ATP2B2: variants seen among roughly 807,000 people sequenced by gnomAD.
ATP2B2 encodes the protein ATPase plasma membrane Ca2+ transporting 2.
A neutral mutation model predicts 120.0 loss-of-function variants in ATP2B2; 15 were observed. The observed-to-expected ratio is 0.12, with a 90% CI of 0.08 to 0.19. The LOEUF (loss-of-function observed/expected upper bound fraction) is 0.19. ATP2B2 is among the 10% of genes least tolerant of loss of function. ATP2B2 has a pLI of 1.00. For synonymous variants in ATP2B2, 694 were observed against 700.3 expected (o/e 0.99, Z 0.14); for missense variants, 1,045 against 1,719.8 (o/e 0.61, Z 6.94).
upstream of ATP2B2, among the ~76,000 whole-genome samples, chr3:10,507,254 A>G (rs1018854346): frequency 1.3e-5 from 2 of 152,290 alleles, no homozygotes; most frequent in Non-Finnish European, 2.9e-5. Flanking sequence ...ACCCCACACC[A>G]ATAGCCCAAG....
At position 10,447,454 on chromosome 3, in the gene ATP2B2, G is replaced by T. The variant is rs1003024304; in HGVS notation, c.199+1891C>A. ...AGGGTCCACAACCCTGCTTTGAGGG[G>T]GTCTAGAAACCCACAAATAGTGTGA... On this transcript the variant is annotated intron_variant, in intron 2 of 22. Transcript: ENST00000360273. Among the ~76,000 whole-genome samples the T allele has an allele frequency of 2.0e-5, 3 of 152,172 alleles. No homozygotes were observed. The South Asian group carries it at 6.2e-4, about 31-fold the overall frequency.
chr3:10,525,509 G>C (rs1226701417), intron 3 of ATP2B2, among the ~76,000 whole-genome samples: 2 of 152,008 alleles, frequency 1.3e-5, no homozygotes, highest in Non-Finnish European at 1.5e-5. Flanking sequence ...AATCAATATT[G>C]ATATGTTGAT....
Position 10,512,464 on chromosome 3 carries a change from G to GCGCGCA in ATP2B2, c.-320+21574_-320+21575insTGCGCG, listed in dbSNP as rs749056818. On this transcript the variant is annotated intron_variant, in intron 3 of 21. Transcript: ENST00000646379. ...TATTCCTGGGTGCTAAAGTGTGTGC[G>GCGCGCA]CACACACACACACACACACACACAC... 5.4e-3 allele frequency among the ~76,000 whole-genome samples: 733 copies of GCGCGCA among 136,938 alleles called. 4 individuals carry two copies. The highest frequency in any genetic ancestry group is 0.015 in the Middle Eastern group (4 of 262). The allele number at this position is 136,938 out of a possible 152,430, so 89.8% of individuals were successfully genotyped here. A position where few individuals can be genotyped will look rare whatever the true frequency, so the allele number is the denominator to read the frequency against.
At chr3:10,707,555 T>C (rs1271725646) in intron 1 of ATP2B2, among the ~76,000 whole-genome samples, 1 of 151,966 alleles carries the variant, frequency 6.6e-6, no homozygotes, top group Non-Finnish European at 1.5e-5. Context: ...GAAGAAGAAA[T>C]AGGGGGTTCT....
chr3:10,375,026 T>G lies in ATP2B2; in HGVS notation c.1416+404A>C, dbSNP rs2061343750. 6.6e-6 allele frequency among the ~76,000 whole-genome samples: 1 copy of G among 152,246 alleles called. No individual in the cohort carries two copies. Among genetic ancestry groups the G allele is most frequent in the Admixed American group, 6.5e-5 (1 of 15,290 alleles). ...AATTTGGTGGGGTAAGGATGAATTC[T>G]GGCTTGCACGGTGATGTCTTTATTA... On this transcript the variant is annotated intron_variant, in intron 11 of 22. Coordinates refer to ENST00000360273, the MANE Select transcript of ATP2B2 (RefSeq NM_001001331.4). The surrounding 1 kb of genome is among the most constrained non-coding windows in gnomAD (Gnocchi z 4.2).
intron 2 of ATP2B2, among the ~76,000 whole-genome samples, chr3:10,537,069 T>C (rs933517468): frequency 6.6e-6 from 1 of 152,248 alleles, no homozygotes; most frequent in Non-Finnish European, 1.5e-5. Context: ...TGTGGGTTTC[T>C]TTCTGGGTCA....
chr3:10,536,771 T>G (rs1477979369), intron 2 of ATP2B2, among the ~76,000 whole-genome samples: 1 of 152,152 alleles, frequency 6.6e-6, no homozygotes, highest in Non-Finnish European at 1.5e-5. Context: ...GAAGCAATCC[T>G]CACACTTTGG....
intron 5 of ATP2B2, among the ~76,000 whole-genome samples, chr3:10,398,535 G>A (rs1346419239): frequency 6.6e-6 from 1 of 152,186 alleles, no homozygotes; most frequent in Non-Finnish European, 1.5e-5. Context: ...CAGGCTTCAC[G>A]GGACTCACTG....
chr3:10,707,415 G>A (rs942064876), intron 1 of ATP2B2, among the ~76,000 whole-genome samples: 2 of 152,196 alleles, frequency 1.3e-5, no homozygotes, highest in Non-Finnish European at 2.9e-5. Context: ...GTTTGGGGAA[G>A]GGAGAAGCCC....
At chr3:10,491,130 T>C (rs903023116) in intron 1 of ATP2B2, among the ~76,000 whole-genome samples, 2 of 152,188 alleles carry the variant, frequency 1.3e-5, no homozygotes, top group Non-Finnish European at 1.5e-5. Context: ...TGCATCCTAC[T>C]GTGGCACACC....
rs1457719867 is a variant in ATP2B2 at position 10,338,223 on chromosome 3, G to A, written c.3373C>T (p.Arg1125Trp). 2 of 1,614,152 alleles carry A rather than the reference G, an allele frequency of 1.2e-6. No individual in the cohort carries two copies. Among genetic ancestry groups the A allele is most frequent in the African/African-American group, 1.3e-5 (1 of 75,056 alleles). ...CCTCGGAACCACAGGATCTGGCCCC[G>A]CCGCAGCTCCCGCTCCGCGTGGTCG... ...EIDHAERELR[R>W]GQILWFRGLN... Residue 1125 changes from arginine to tryptophan, a missense_variant, in exon 22 of 23, where the codon CGG becomes TGG. Physicochemically the swap from Arg to Trp is moderately radical, Grantham distance 101. Around this residue, in one of 11 missense-constraint regions of ATP2B2, gnomAD observed 211 missense variants for 385.1 expected, o/e 0.55. Transcript: ENST00000360273.
chr3:10,673,826 A>G (rs1189546275), intron 1 of ATP2B2, among the ~76,000 whole-genome samples: 1 of 150,724 alleles, frequency 6.6e-6, no homozygotes, highest in Non-Finnish European at 1.5e-5. Flanking sequence ...AAAAAAAAAA[A>G]AAGAAGGAAA....
At chr3:10,416,990 G>A (rs1445174844) in intron 2 of ATP2B2, among the ~76,000 whole-genome samples, 1 of 150,026 alleles carries the variant, frequency 6.7e-6, no homozygotes, top group African/African-American at 2.5e-5. Context: ...CAGATGGTGA[G>A]TGGCCAGGCA....
chr3:10,334,718 C>T lies in ATP2B2; in HGVS notation c.3420+3458G>A, dbSNP rs1051904687. Among the ~76,000 whole-genome samples, 9 of 152,206 alleles carry T rather than the reference C, an allele frequency of 5.9e-5. 1 individual carries two copies. The East Asian group carries it at 1.5e-3, about 26-fold the overall frequency. ...CTGTCCTGCCGCTATGGGTCGTGGA[C>T]ATTTGCCATCAACAGGCTCCCTGTG... is the stretch of plus-strand genomic sequence containing the variant. On this transcript the variant is annotated intron_variant, in intron 22 of 22. Coordinates refer to ENST00000360273, the MANE Select transcript of ATP2B2 (RefSeq NM_001001331.4).
At chr3:10,683,760 G>GTGTGTGTATGTATGTGTA (rs1446781892) in intron 1 of ATP2B2, among the ~76,000 whole-genome samples, 1 of 53,914 alleles carries the variant, frequency 1.9e-5, no homozygotes, top group African/African-American at 5.6e-5. Flanking sequence ...GTGTGTGTGT[G>GTGTGTGTATGTATGTGTA]TATATATATA....
At chr3:10,658,771 C>T (rs1289945067) in intron 1 of ATP2B2, among the ~76,000 whole-genome samples, 1 of 152,036 alleles carries the variant, frequency 6.6e-6, no homozygotes, top group Non-Finnish European at 1.5e-5. Context: ...TCGAGAAGAG[C>T]AACTCCAAGA....
Position 10,340,297 on chromosome 3 carries a change from A to G in ATP2B2, c.3182T>C (p.Leu1061Pro), listed in dbSNP as rs764156405. The G allele has an allele frequency of 2.5e-6, 4 of 1,614,252 alleles. No individual in the cohort carries two copies. Among genetic ancestry groups the G allele is most frequent in the Non-Finnish European group, 3.4e-6 (4 of 1,180,056 alleles). Reference protein sequence around the residue: ...GKPFSCSPLQLDQWMWCIFIG... With the variant: ...GKPFSCSPLQPDQWMWCIFIG... ...GAATATGCACCACATCCACTGGTCC[A>G]GCTGCAGTGGAGAGCAGCTGAATGG... is the stretch of plus-strand genomic sequence containing the variant. The change falls in exon 21 of 23, where the codon CTG (leucine) becomes CCG (proline). Residue 1061 changes from leucine to proline, a missense_variant. Coordinates refer to ENST00000360273, the MANE Select transcript of ATP2B2 (RefSeq NM_001001331.4). This position sits in a 1 kb window ranked among gnomAD's most constrained non-coding sequence, Gnocchi z 5.0.
At chr3:10,483,883 CG>C (rs2065516316) in intron 1 of ATP2B2, among the ~76,000 whole-genome samples, 1 of 152,196 alleles carries the variant, frequency 6.6e-6, no homozygotes, top group South Asian at 2.1e-4. Context: ...CGTCAGCCCC[CG>C]GCACAGGGCC....
intron 2 of ATP2B2, among the ~76,000 whole-genome samples, chr3:10,577,021 C>A: frequency 6.9e-6 from 1 of 145,146 alleles, no homozygotes. Context: ...CACTGCACTC[C>A]AGCCTGGGTG....
Sources: gnomAD v4.1 joint callset for allele counts (sites outside exome capture counted in the v4.1 genomes callset) on GRCh38, gnomAD v4.1.1 for gene constraint, gnomAD v4.1.1 regional missense constraint, Gnocchi (gnomAD v3.1) non-coding constraint, MANE v1.5 for transcripts, NCBI Gene and HGNC (gene_info 2026-07-23, HGNC 2026-07-21) for gene names.